The following KCNIP4 variants were observed in gnomAD, a reference collection of about 807,000 sequenced individuals.
KCNIP4 encodes the protein potassium voltage-gated channel interacting protein 4, also known as Kv channel-interacting protein 4.
A neutral mutation model predicts 34.0 loss-of-function variants in KCNIP4; 12 were observed. That is an observed-to-expected ratio of 0.35 (90% CI 0.23 to 0.57). KCNIP4 has a LOEUF of 0.57. Ranked by LOEUF, KCNIP4 falls within the 20% of genes least tolerant of loss-of-function variation. KCNIP4 has a pLI of 0.83. For missense variants in KCNIP4, 238 were observed against 311.7 expected, an observed-to-expected ratio of 0.76 and a Z score of 1.78; for synonymous variants, 124 against 102.2, an observed-to-expected ratio of 1.21 and a Z score of -1.29.
chr4:21,883,765 T>A (rs1319539026), intron 1 of KCNIP4, among the ~76,000 whole-genome samples: 1 of 152,128 alleles, frequency 6.6e-6, no homozygotes, highest in Non-Finnish European at 1.5e-5. Flanking sequence ...AGTGTTTGTC[T>A]TTACATTTGT....
chr4:21,734,049 G>C (rs1395527421), intron 1 of KCNIP4, among the ~76,000 whole-genome samples: 1 of 152,104 alleles, frequency 6.6e-6, no homozygotes, highest in South Asian at 2.1e-4. Context: ...TGCAGGACAG[G>C]GCGCTGGTAG....
intron 1 of KCNIP4, among the ~76,000 whole-genome samples, chr4:21,798,591 A>AGAAAG: frequency 6.6e-6 from 1 of 150,746 alleles, no homozygotes; most frequent in Non-Finnish European, 1.5e-5. Context: ...AGAAAGAGAA[A>AGAAAG]AAATGCAAAG....
chr4:21,085,642 T>G (rs1030364352), intron 1 of KCNIP4, among the ~76,000 whole-genome samples: 1 of 152,198 alleles, frequency 6.6e-6, no homozygotes, highest in African/African-American at 2.4e-5. Context: ...TGGTTTGGGT[T>G]ACCCTAAAGG....
intron 1 of KCNIP4, among the ~76,000 whole-genome samples, chr4:21,734,791 A>G (rs1715871272): frequency 2.0e-5 from 3 of 152,138 alleles, no homozygotes; most frequent in Admixed American, 2.0e-4. Context: ...AACTCGAGAT[A>G]TTTTCTATAG....
intron 1 of KCNIP4, among the ~76,000 whole-genome samples, chr4:21,231,533 A>G (rs1758786696): frequency 6.6e-6 from 1 of 152,170 alleles, no homozygotes; most frequent in African/African-American, 2.4e-5. Context: ...TGTAAAGATG[A>G]AAGTTCTAAT....
At chr4:21,457,494 C>T (rs1156703889) in intron 1 of KCNIP4, among the ~76,000 whole-genome samples, 1 of 152,060 alleles carries the variant, frequency 6.6e-6, no homozygotes, top group Non-Finnish European at 1.5e-5. Flanking sequence ...TTCTGAGCTT[C>T]TCCATCCATA....
At chr4:21,173,078 C>A (rs1043899222) in intron 1 of KCNIP4, among the ~76,000 whole-genome samples, 1 of 152,152 alleles carries the variant, frequency 6.6e-6, no homozygotes, top group Admixed American at 6.5e-5. Context: ...GAAATAGATT[C>A]TGTTTCCTCA....
chr4:21,465,757 G>A (rs183305725), intron 1 of KCNIP4, among the ~76,000 whole-genome samples: 49 of 152,236 alleles, frequency 3.2e-4, no homozygotes, highest in African/African-American at 1.1e-3. Context: ...GACACATAGT[G>A]GGCACTCTCC....
intron 1 of KCNIP4, among the ~76,000 whole-genome samples, chr4:20,968,200 A>G (rs1734569744): frequency 6.6e-6 from 1 of 152,234 alleles, no homozygotes; most frequent in Admixed American, 6.5e-5. Flanking sequence ...TGGCCATCAG[A>G]GAAATGCAAA....
Position 20,886,515 on chromosome 4 carries a change from G to T in KCNIP4, c.62-3806C>A, listed in dbSNP as rs1049968790. On this transcript the variant is annotated intron_variant, in intron 1 of 8. Coordinates refer to ENST00000382152, the MANE Select transcript of KCNIP4 (RefSeq NM_025221.6). ...GGCTGGGATATGCACGATATCCAAG[G>T]CTTCCCAATGCTTAGCAGGCAGGGC... is the stretch of plus-strand genomic sequence containing the variant. Among the ~76,000 whole-genome samples the T allele has an allele frequency of 1.8e-4, 27 of 152,288 alleles. 1 individual carries two copies. The highest frequency in any genetic ancestry group is 1.8e-3 in the Admixed American group (27 of 15,286).
chr4:21,383,688 G>A lies in KCNIP4; in HGVS notation c.62-500979C>T, dbSNP rs533925005. On this transcript the variant is annotated intron_variant, in intron 1 of 8. Coordinates refer to ENST00000382152, the MANE Select transcript of KCNIP4 (RefSeq NM_025221.6). Reference sequence around the variant, plus strand: ...TTACATTGTGGTTAAAATACCTTCCGATTTTACCTGGATTTATGCAAATGC... The same window carrying A: ...TTACATTGTGGTTAAAATACCTTCCAATTTTACCTGGATTTATGCAAATGC... Among the ~76,000 whole-genome samples, 4 of 152,010 alleles carry A rather than the reference G, an allele frequency of 2.6e-5. No homozygotes were observed. The South Asian group carries it at 8.3e-4, about 32-fold the overall frequency.
At chr4:21,018,807 G>A (rs1739778849) in intron 1 of KCNIP4, among the ~76,000 whole-genome samples, 1 of 152,140 alleles carries the variant, frequency 6.6e-6, no homozygotes, top group African/African-American at 2.4e-5. Flanking sequence ...AACATAGAAA[G>A]TATTAGTGAG....
At chr4:20,890,790 G>A (rs1024164166) in intron 1 of KCNIP4, among the ~76,000 whole-genome samples, 3 of 152,146 alleles carry the variant, frequency 2.0e-5, no homozygotes, top group Non-Finnish European at 2.9e-5. Context: ...AAATGAGAAT[G>A]TATTCATTTT....
intron 1 of KCNIP4, among the ~76,000 whole-genome samples, chr4:21,596,382 T>C (rs1389184822): frequency 6.6e-6 from 1 of 152,138 alleles, no homozygotes; most frequent in Non-Finnish European, 1.5e-5. Flanking sequence ...AAGAAGTCTA[T>C]TGACTCTGTA....
chr4:20,999,759 T>C (rs1737931961), intron 1 of KCNIP4, among the ~76,000 whole-genome samples: 1 of 151,608 alleles, frequency 6.6e-6, no homozygotes, highest in African/African-American at 2.4e-5. Context: ...AGGAAAAGAG[T>C]ACAAGATGAT....
chr4:21,519,738 ATGATACACACG>A (rs1735310073), intron 1 of KCNIP4, among the ~76,000 whole-genome samples: 3 of 114,268 alleles, frequency 2.6e-5, no homozygotes, highest in East Asian at 3.3e-4. Flanking sequence ...GTGTATATGT[ATGATACACACG>A]TGTGTGTATG....
intron 1 of KCNIP4, among the ~76,000 whole-genome samples, chr4:21,914,500 C>T (rs189353515): frequency 1.6e-4 from 24 of 152,254 alleles, no homozygotes; most frequent in African/African-American, 5.5e-4. Context: ...TCCTTCTCAG[C>T]TCATGGTCTC....
chr4:21,928,717 G>A (rs1044260927), intron 1 of KCNIP4, among the ~76,000 whole-genome samples: 61 of 151,980 alleles, frequency 4.0e-4, no homozygotes, highest in African/African-American at 1.4e-3. Flanking sequence ...ATAAATCCAT[G>A]ACACACTTCT....
At chr4:21,304,283 T>G (rs116109771) in intron 1 of KCNIP4, among the ~76,000 whole-genome samples, 3,199 of 152,256 alleles carry the variant, frequency 0.021, 54 homozygotes, top group Non-Finnish European at 0.033. Context: ...TTCCTCATTA[T>G]CACTCTTGCA....
Sources: allele counts gnomAD v4.1 joint callset (sites outside exome capture counted in the v4.1 genomes callset), GRCh38; gene constraint gnomAD v4.1.1; transcripts MANE v1.5; gene names NCBI Gene and HGNC (gene_info 2026-07-23, HGNC 2026-07-21).